Variants in DACH1 observed in about 807,000 individuals in gnomAD.
DACH1 encodes dachshund homolog 1.
DACH1 carries 12 observed loss-of-function variants against 54.2 expected under a neutral mutation model. The ratio of observed to expected loss-of-function variants is 0.22; its 90% CI spans 0.14 to 0.36. DACH1 has a LOEUF of 0.36. DACH1 is among the 10% of genes least tolerant of loss of function. The probability of loss-of-function intolerance (pLI) is 1.00; values close to 1 mark genes in which losing one functional copy is unlikely to be tolerated. For missense variants in DACH1, 805 were observed against 929.8 expected (o/e 0.87, Z 1.75); for synonymous variants, 386 against 366.2 (o/e 1.05, Z -0.62).
intron 1 of DACH1, among the ~76,000 whole-genome samples, chr13:71,774,615 T>C (rs543955712): frequency 6.6e-6 from 1 of 152,254 alleles, no homozygotes; most frequent in East Asian, 1.9e-4. Flanking sequence ...GCTTTACAGA[T>C]GTGGAAACGG....
chr13:71,557,180 C>CAAACA (rs779588996), intron 5 of DACH1, 22 bp from the exon 6 acceptor site: 11 of 1,585,848 alleles, frequency 6.9e-6, no homozygotes, highest in African/African-American at 4.1e-5. Context: ...CAAAAGAAAA[C>CAAACA]AAACAAAACA....
chr13:71,757,494 T>C (rs1885216743), intron 1 of DACH1, among the ~76,000 whole-genome samples: 2 of 151,784 alleles, frequency 1.3e-5, no homozygotes, highest in South Asian at 4.2e-4. Flanking sequence ...AGTCTGTTGT[T>C]GAAAAGCCAA....
chr13:71,599,053 T>A (rs569526224), intron 3 of DACH1, among the ~76,000 whole-genome samples: 1 of 152,152 alleles, frequency 6.6e-6, no homozygotes, highest in South Asian at 2.1e-4. Flanking sequence ...AACATGTCAT[T>A]TTTCTAAACC....
At chr13:71,551,411 C>A (rs1883806449) in intron 6 of DACH1, among the ~76,000 whole-genome samples, 2 of 152,084 alleles carry the variant, frequency 1.3e-5, no homozygotes, top group African/African-American at 4.8e-5. Flanking sequence ...GGTCTTATTT[C>A]ATCTATCTAA....
intron 1 of DACH1, among the ~76,000 whole-genome samples, chr13:71,697,001 C>G (rs1182244904): frequency 1.3e-5 from 2 of 152,164 alleles, no homozygotes; most frequent in Non-Finnish European, 2.9e-5. Context: ...ATCCCCATGT[C>G]TCACCTTCCC....
chr13:71,573,072 AAC>A, intron 3 of DACH1, 60 bp from the exon 4 acceptor site: 1 of 1,510,020 alleles, frequency 6.6e-7, no homozygotes, highest in South Asian at 1.3e-5. Flanking sequence ...TAAAAATTGA[AAC>A]AGTCAAAAGT....
chr13:71,480,711 C>T (rs1471255275), intron 7 of DACH1, among the ~76,000 whole-genome samples: 1 of 152,114 alleles, frequency 6.6e-6, no homozygotes, highest in African/African-American at 2.4e-5. Flanking sequence ...TGCAAGAAGA[C>T]ATTGTGAGCA....
intron 10 of DACH1, among the ~76,000 whole-genome samples, chr13:71,457,868 G>A (rs1173819721): frequency 6.6e-6 from 1 of 151,794 alleles, no homozygotes; most frequent in African/African-American, 2.4e-5. Flanking sequence ...CTCCTGAGGT[G>A]CTTACTCTAC....
intron 3 of DACH1, among the ~76,000 whole-genome samples, chr13:71,590,620 A>C (rs1873630448): frequency 6.6e-6 from 1 of 152,186 alleles, no homozygotes; most frequent in African/African-American, 2.4e-5. Flanking sequence ...CCCTTACAAA[A>C]TGTTAGTTGA....
intron 6 of DACH1, among the ~76,000 whole-genome samples, chr13:71,555,637 A>T (rs1031543274): frequency 2.6e-5 from 4 of 152,016 alleles, no homozygotes; most frequent in African/African-American, 9.7e-5. Flanking sequence ...CAGTACACCC[A>T]GCCCCACTAT....
At chr13:71,448,732 T>A (rs1378227687) in intron 10 of DACH1, among the ~76,000 whole-genome samples, 1 of 152,130 alleles carries the variant, frequency 6.6e-6, no homozygotes, top group East Asian at 1.9e-4. Flanking sequence ...ACAGTGCAAG[T>A]GATTTCCAGA....
chr13:71,735,334 CGGGATATACGTGTATAT>C lies in DACH1; in HGVS notation c.849-53441_849-53425del, dbSNP rs1270231692. Among the ~76,000 whole-genome samples the C allele has an allele frequency of 9.8e-3, 157 of 15,946 alleles. 40 individuals carry two copies. The highest frequency in any genetic ancestry group is 0.018 in the African/African-American group (147 of 8,190). The allele number at this position is 15,946 out of a possible 152,430, so 10.5% of individuals were successfully genotyped here. On this transcript the variant is annotated intron_variant, in intron 1 of 10. Transcript: ENST00000613252. ...CGTGTATATGGGATATACACGTATA[CGGGATATACGTGTATAT>C]GGGATATACACGTATACGGGATATA...
chr13:71,765,752 T>C (rs200622559), intron 1 of DACH1, among the ~76,000 whole-genome samples: 1 of 152,160 alleles, frequency 6.6e-6, no homozygotes, highest in East Asian at 1.9e-4. Context: ...AGACCCCCAG[T>C]TTTATAAGTA....
At chr13:71,491,988 T>C (rs1271064799) in intron 6 of DACH1, among the ~76,000 whole-genome samples, 3 of 152,212 alleles carry the variant, frequency 2.0e-5, no homozygotes, top group East Asian at 1.9e-4. Flanking sequence ...CTCATTGATA[T>C]ATCTGTACAT....
At chr13:71,551,801 G>C (rs1883834188) in intron 6 of DACH1, among the ~76,000 whole-genome samples, 1 of 152,052 alleles carries the variant, frequency 6.6e-6, no homozygotes, top group Non-Finnish European at 1.5e-5. Context: ...ATAAAGAAGA[G>C]ACAAAAAGCC....
chr13:71,640,044 T>C (rs562627965), intron 2 of DACH1, among the ~76,000 whole-genome samples: 15 of 152,026 alleles, frequency 9.9e-5, no homozygotes, highest in Non-Finnish European at 2.2e-4. Context: ...GCAATGAGGT[T>C]AATCATTTCT....
intron 7 of DACH1, among the ~76,000 whole-genome samples, chr13:71,481,573 A>G (rs150175484): frequency 4.6e-5 from 7 of 152,278 alleles, no homozygotes; most frequent in African/African-American, 7.2e-5. Context: ...TTAGGATCCA[A>G]TACTCTCTGG....
chr13:71,585,771 A>T (rs1481387916), intron 3 of DACH1, among the ~76,000 whole-genome samples: 1 of 152,192 alleles, frequency 6.6e-6, no homozygotes, highest in Non-Finnish European at 1.5e-5. Flanking sequence ...TGTATCAGAT[A>T]GTCAGAAGGA....
chr13:71,823,843 A>G (rs1049749035), intron 1 of DACH1, among the ~76,000 whole-genome samples: 1 of 151,988 alleles, frequency 6.6e-6, no homozygotes, highest in Admixed American at 6.6e-5. Flanking sequence ...TTGACGTTTT[A>G]CTATCTGCAA....
Sources: gnomAD v4.1 joint callset for allele counts (sites outside exome capture counted in the v4.1 genomes callset) on GRCh38, gnomAD v4.1.1 for gene constraint, MANE v1.5 for transcripts, NCBI Gene and HGNC (gene_info 2026-07-23, HGNC 2026-07-21) for gene names.